UHRF1: variants seen among roughly 807,000 people sequenced by gnomAD.
UHRF1 encodes the protein ubiquitin like with PHD and ring finger domains 1, also known as E3 ubiquitin-protein ligase UHRF1.
A neutral mutation model predicts 96.5 loss-of-function variants in UHRF1; 9 were observed. The ratio of observed to expected loss-of-function variants is 0.09; its 90% CI spans 0.06 to 0.16. The LOEUF is 0.16. Among genes scored for constraint, UHRF1 ranks in the 10% least tolerant of loss-of-function variants. UHRF1 has a pLI of 1.00. For synonymous variants in UHRF1, 455 were observed against 469.9 expected, an observed-to-expected ratio of 0.97 and a Z score of 0.41; for missense variants, 626 against 1,131.1, an observed-to-expected ratio of 0.55 and a Z score of 6.40.
chr19:4,925,554 C>T (rs948514359), intron 2 of UHRF1, among the ~76,000 whole-genome samples: 7 of 152,172 alleles, frequency 4.6e-5, no homozygotes, highest in Admixed American at 3.9e-4. Context: ...GACAGTCTTG[C>T]TCTGTTGCCC....
intron 11 of UHRF1, among the ~76,000 whole-genome samples, chr19:4,950,024 C>A (rs2033674050): frequency 6.8e-6 from 1 of 147,244 alleles, no homozygotes. Context: ...GTGCATGTTA[C>A]CACGCCTGGC....
At chr19:4,914,840 C>T (rs1311364564) in intron 2 of UHRF1, among the ~76,000 whole-genome samples, 4 of 152,124 alleles carry the variant, frequency 2.6e-5, no homozygotes, top group Admixed American at 6.6e-5. Flanking sequence ...CAGCGCAGTG[C>T]GAATTCAATG....
upstream of UHRF1, among the ~76,000 whole-genome samples, chr19:4,904,752 G>A (rs2032030857): frequency 6.6e-6 from 1 of 152,084 alleles, no homozygotes; most frequent in South Asian, 2.1e-4. Context: ...GAGTGGGTGT[G>A]GGGGGTGGAA....
At chr19:4,943,653 GC>G (rs2033476392) in intron 7 of UHRF1, among the ~76,000 whole-genome samples, 1 of 151,474 alleles carries the variant, frequency 6.6e-6, no homozygotes, top group African/African-American at 2.4e-5. Flanking sequence ...CAGAGAACCT[GC>G]TTTCTTTTTT....
chr19:4,919,971 C>G (rs1568410410), intron 2 of UHRF1, among the ~76,000 whole-genome samples: 1 of 152,036 alleles, frequency 6.6e-6, no homozygotes, highest in East Asian at 1.9e-4. Context: ...GCACCCACCA[C>G]CACGCCTGGC....
chr19:4,950,487 G>C, intron 11 of UHRF1, 124 bp from the exon 12 acceptor site: 1 of 1,028,552 alleles, frequency 9.7e-7, no homozygotes, highest in South Asian at 1.7e-5. Context: ...CAGGCGATCT[G>C]CCTACTTCAG....
chr19:4,932,500 C>A (rs114148764), intron 4 of UHRF1, among the ~76,000 whole-genome samples: 12 of 152,318 alleles, frequency 7.9e-5, no homozygotes, highest in African/African-American at 2.9e-4. Flanking sequence ...CAATCCTATT[C>A]GTGGGTACTG....
intron 5 of UHRF1, among the ~76,000 whole-genome samples, chr19:4,939,874 A>AT (rs1227593261): frequency 6.6e-6 from 1 of 152,074 alleles, no homozygotes; most frequent in Non-Finnish European, 1.5e-5. Flanking sequence ...AATACAAAAA[A>AT]TTAGCCAGGC....
chr19:4,904,902 T>G (rs183429752), upstream of UHRF1, among the ~76,000 whole-genome samples: 688 of 152,254 alleles, frequency 4.5e-3, 5 homozygotes, highest in Middle Eastern at 0.01. Context: ...GGGAGGGACA[T>G]TGAATCATAG....
rs144429316 is a variant in UHRF1, at chr19:4,926,628, G to C, written c.154-2594G>C. Among the ~76,000 whole-genome samples, 369 of 152,246 alleles carry C rather than the reference G, an allele frequency of 2.4e-3. 2 individuals carry two copies. Among genetic ancestry groups the C allele is most frequent in the Non-Finnish European group, 4.4e-3 (301 of 68,022 alleles). ...TCTCTAAAAAAAATTAGCTGGGCAT[G>C]GGTGATGTGTGCCTGTGGTCCCAGC... On this transcript the variant is annotated intron_variant, in intron 2 of 16. Coordinates refer to ENST00000650932, the MANE Select transcript of UHRF1 (RefSeq NM_001048201.3).
rs201255730 is a variant in UHRF1 at position 4,954,438 on chromosome 19, G to A, written c.1907G>A (p.Gly636Asp). The change falls in exon 14 of 17, where the codon GGC becomes GAC. Residue 636 changes from glycine to aspartate, a missense_variant. Around this residue, in one of 11 missense-constraint regions of UHRF1, gnomAD observed 90 missense variants for 94.7 expected, o/e 0.95. Coordinates refer to ENST00000650932, the MANE Select transcript of UHRF1 (RefSeq NM_001048201.3). This position sits in a 1 kb window ranked among gnomAD's most constrained non-coding sequence, Gnocchi z 5.9. ...GAGGAGGAGGAGCAGCAGGAGGGGG[G>A]CTTCGCGTCCCCCAGGACGGGCAAG... ...KREEEEQQEG[G>D]FASPRTGKGK... The A allele has an allele frequency of 4.4e-4, 707 of 1,613,750 alleles. 5 individuals carry two copies. The African/African-American group carries it at 8.6e-3, about 20-fold the overall frequency.
intron 16 of UHRF1, among the ~76,000 whole-genome samples, chr19:4,957,837 C>G (rs1335277457): frequency 6.6e-6 from 1 of 152,208 alleles, no homozygotes; most frequent in Non-Finnish European, 1.5e-5. Context: ...GGGGGCAGAA[C>G]TGCCCAGGTG....
chr19:4,957,310 T>G (rs1326014499), intron 16 of UHRF1, among the ~76,000 whole-genome samples: 2 of 138,448 alleles, frequency 1.4e-5, no homozygotes, highest in South Asian at 2.5e-4. Context: ...TTTTTTTTTT[T>G]TTTTTTTTTT....
At chr19:4,932,369 C>T (rs1275291530) in intron 4 of UHRF1, among the ~76,000 whole-genome samples, 1 of 152,236 alleles carries the variant, frequency 6.6e-6, no homozygotes, top group Non-Finnish European at 1.5e-5. Flanking sequence ...TGCCCGGCCT[C>T]TCCTCTTGTT....
At chr19:4,947,763 T>A (rs1443536907) in intron 11 of UHRF1, among the ~76,000 whole-genome samples, 4 of 151,428 alleles carry the variant, frequency 2.6e-5, no homozygotes, top group African/African-American at 9.7e-5. Context: ...GGCCTCCCAA[T>A]ATTGGTATTA....
At chr19:4,925,908 T>G (rs1394547455) in intron 2 of UHRF1, among the ~76,000 whole-genome samples, 1 of 151,622 alleles carries the variant, frequency 6.6e-6, no homozygotes, top group African/African-American at 2.4e-5. Context: ...TTTTTTTCTT[T>G]CTTTTTGAGA....
At chr19:4,919,930 G>A (rs892647093) in intron 2 of UHRF1, among the ~76,000 whole-genome samples, 3 of 151,820 alleles carry the variant, frequency 2.0e-5, no homozygotes, top group African/African-American at 7.3e-5. Flanking sequence ...CGATTCTCCT[G>A]CCTCAGCCTC....
chr19:4,928,878 C>T (rs574528281), intron 2 of UHRF1, among the ~76,000 whole-genome samples: 2 of 152,330 alleles, frequency 1.3e-5, no homozygotes, highest in East Asian at 3.9e-4. Context: ...CACATGTTCA[C>T]TGTCACAAAA....
At chr19:4,940,871 C>T (rs985058044) in intron 5 of UHRF1, among the ~76,000 whole-genome samples, 2 of 151,692 alleles carry the variant, frequency 1.3e-5, no homozygotes, top group African/African-American at 2.4e-5. Flanking sequence ...CAGGGTTTTA[C>T]CATGTTGGCC....
Sources: gnomAD v4.1 joint callset for allele counts (sites outside exome capture counted in the v4.1 genomes callset) on GRCh38, gnomAD v4.1.1 for gene constraint, gnomAD v4.1.1 regional missense constraint, Gnocchi (gnomAD v3.1) non-coding constraint, MANE v1.5 for transcripts, NCBI Gene and HGNC (gene_info 2026-07-23, HGNC 2026-07-21) for gene names.